Variants in RSBN1L observed in about 807,000 individuals in gnomAD.
RSBN1L encodes round spermatid basic protein 1 like, also known as lysine-specific demethylase RSBN1L.
A neutral mutation model predicts 67.7 loss-of-function variants in RSBN1L; 30 were observed. The ratio of observed to expected loss-of-function variants is 0.44; its 90% CI spans 0.33 to 0.60. RSBN1L has a LOEUF of 0.60. RSBN1L is among the 20% of genes least tolerant of loss of function. RSBN1L has a pLI of 0.02. For missense variants in RSBN1L, 992 were observed against 1,031.7 expected (o/e 0.96, Z 0.53); for synonymous variants, 433 against 387.0 (o/e 1.12, Z -1.39).
In RSBN1L at chr7:77,778,542, G is replaced by A; in HGVS notation, c.1915G>A (p.Val639Ile). The change falls in exon 8 of 8, where the codon GTT becomes ATT. Residue 639 changes from valine (V) to isoleucine (I), a missense_variant. By Grantham distance (29) the Val-to-Ile change is conservative (BLOSUM62 3). Coordinates refer to ENST00000334955, the MANE Select transcript of RSBN1L (RefSeq NM_198467.3). The part of the protein sequence containing the change: ...EPPLSQCVQW[V>I]DDAKLNQLRR... ...TATTATTTTTTAGTGTGTCCAATGG[G>A]TTGATGATGCAAAACTGAATCAACT... The A allele has an allele frequency of 6.2e-7, 1 of 1,611,918 alleles. No individual in the cohort carries two copies. The highest frequency in any genetic ancestry group is 8.5e-7 in the Non-Finnish European group (1 of 1,178,670).
intron 6 of RSBN1L, 127 bp downstream of exon 6, chr7:77,773,441 T>A: frequency 1.8e-6 from 1 of 570,854 alleles, no homozygotes; most frequent in Non-Finnish European, 2.8e-6. Flanking sequence ...TTGGATATCT[T>A]AATTGTATAA....
At chr7:77,742,108 T>C (rs540842920) in intron 2 of RSBN1L, among the ~76,000 whole-genome samples, 158 of 148,998 alleles carry the variant, frequency 1.1e-3, no homozygotes, top group Non-Finnish European at 1.7e-3. Flanking sequence ...GGCCGGAGGA[T>C]TGCTTGAGCC....
intron 2 of RSBN1L, among the ~76,000 whole-genome samples, chr7:77,748,335 CA>C (rs1389577213): frequency 6.6e-6 from 1 of 151,910 alleles, no homozygotes; most frequent in Non-Finnish European, 1.5e-5. Context: ...ACGGAGACAC[CA>C]GAAAAAATGA....
chr7:77,767,041 T>TC (rs1562808982), intron 4 of RSBN1L, among the ~76,000 whole-genome samples: 2 of 137,628 alleles, frequency 1.5e-5, no homozygotes, highest in African/African-American at 5.4e-5. Flanking sequence ...CCTTTCCCCT[T>TC]CCCTTCCCCT....
chr7:77,743,440 AAAAT>A (rs1264042491), intron 2 of RSBN1L, among the ~76,000 whole-genome samples: 7 of 146,430 alleles, frequency 4.8e-5, no homozygotes, highest in South Asian at 2.2e-4. Flanking sequence ...CTCTATTAAA[AAAAT>A]AAATAAATAA....
At chr7:77,712,890 A>G (rs2150413910) in intron 1 of RSBN1L, among the ~76,000 whole-genome samples, 1 of 152,314 alleles carries the variant, frequency 6.6e-6, no homozygotes, top group East Asian at 1.9e-4. Flanking sequence ...GGGTAAGGGG[A>G]AAGTTAAAGA....
At chr7:77,718,422 C>A (rs1259444892) in intron 1 of RSBN1L, among the ~76,000 whole-genome samples, 1 of 152,080 alleles carries the variant, frequency 6.6e-6, no homozygotes, top group African/African-American at 2.4e-5. Flanking sequence ...TCCTGAGTAA[C>A]TGGGACTACA....
chr7:77,697,311 G>T, intron 1 of RSBN1L: 1 of 360,640 alleles, frequency 2.8e-6, no homozygotes, highest in Non-Finnish European at 4.9e-6. Context: ...TTAGTGCGCT[G>T]CAGGATTTGT....
At chr7:77,739,663 T>G (rs1375739415) in intron 2 of RSBN1L, among the ~76,000 whole-genome samples, 1 of 133,806 alleles carries the variant, frequency 7.5e-6, no homozygotes, top group Non-Finnish European at 1.6e-5. Flanking sequence ...CAGCCGAGAT[T>G]GTGCCACTGC....
At chr7:77,771,022 A>G (rs1791841918) in intron 5 of RSBN1L, among the ~76,000 whole-genome samples, 1 of 152,018 alleles carries the variant, frequency 6.6e-6, no homozygotes, top group Admixed American at 6.6e-5. Flanking sequence ...GCTCACTGCA[A>G]CCTCCACCTC....
At chr7:77,700,590 C>A (rs1021145469) in intron 1 of RSBN1L, among the ~76,000 whole-genome samples, 1 of 152,172 alleles carries the variant, frequency 6.6e-6, no homozygotes, top group Non-Finnish European at 1.5e-5. Context: ...ACACTCTCCT[C>A]CAGTATTGTT....
intron 1 of RSBN1L, among the ~76,000 whole-genome samples, chr7:77,709,397 C>T (rs1052444101): frequency 1.3e-5 from 2 of 151,996 alleles, no homozygotes; most frequent in African/African-American, 2.4e-5. Flanking sequence ...TCAAGTGATT[C>T]TCCTGCCTCA....
At chr7:77,767,208 C>T (rs1367795927) in intron 4 of RSBN1L, among the ~76,000 whole-genome samples, 2 of 151,842 alleles carry the variant, frequency 1.3e-5, no homozygotes, top group African/African-American at 2.4e-5. Flanking sequence ...TGATTACAGA[C>T]GTGAGCCACC....
intron 2 of RSBN1L, among the ~76,000 whole-genome samples, chr7:77,746,656 A>G (rs1193065206): frequency 6.6e-6 from 1 of 152,204 alleles, no homozygotes; most frequent in Non-Finnish European, 1.5e-5. Flanking sequence ...TTCAAAGTCC[A>G]AAGTCTCATT....
intron 1 of RSBN1L, among the ~76,000 whole-genome samples, chr7:77,731,738 C>T (rs1791274757): frequency 6.6e-6 from 1 of 151,578 alleles, no homozygotes. Context: ...TTTTTTTAAT[C>T]TATTGTGCCT....
At chr7:77,697,610 C>A (rs1790757252) in intron 1 of RSBN1L, among the ~76,000 whole-genome samples, 1 of 152,108 alleles carries the variant, frequency 6.6e-6, no homozygotes, top group African/African-American at 2.4e-5. Flanking sequence ...TGCGCTGTTT[C>A]GTAAGGTACC....
intron 3 of RSBN1L, among the ~76,000 whole-genome samples, chr7:77,764,647 G>C (rs569032281): frequency 2.3e-4 from 34 of 149,558 alleles, no homozygotes; most frequent in Non-Finnish European, 4.7e-4. Flanking sequence ...TTTTTTTTGA[G>C]ACATAGTCTC....
intron 3 of RSBN1L, among the ~76,000 whole-genome samples, chr7:77,762,618 GTTC>G (rs1791709460): frequency 1.3e-5 from 2 of 152,040 alleles, no homozygotes; most frequent in Non-Finnish European, 2.9e-5. Context: ...AGTAAATAAA[GTTC>G]TTGAGTCATG....
At chr7:77,720,964 T>C (rs1162377482) in intron 1 of RSBN1L, among the ~76,000 whole-genome samples, 1 of 151,750 alleles carries the variant, frequency 6.6e-6, no homozygotes, top group African/African-American at 2.4e-5. Flanking sequence ...ACCATTTTGG[T>C]CATATGACCT....
Sources: allele counts gnomAD v4.1 joint callset (sites outside exome capture counted in the v4.1 genomes callset), GRCh38; gene constraint gnomAD v4.1.1; transcripts MANE v1.5; gene names NCBI Gene and HGNC (gene_info 2026-07-23, HGNC 2026-07-21).